Variants in COMT observed in about 807,000 individuals in gnomAD.
COMT encodes catechol O-methyltransferase.
In COMT, 13 loss-of-function variants were observed where a neutral mutation model predicts 18.9. The observed-to-expected ratio is 0.69, with a 90% CI of 0.45 to 1.09. COMT has a LOEUF of 1.09. Among genes scored for constraint, COMT ranks in the 50% least tolerant of loss-of-function variants. The pLI is 0.00. For missense variants in COMT, 329 were observed against 361.8 expected (o/e 0.91, Z 0.73); for synonymous variants, 150 against 160.9 (o/e 0.93, Z 0.51).
chr22:19,953,414 C>A (rs1941991452), intron 1 of COMT, among the ~76,000 whole-genome samples: 1 of 152,174 alleles, frequency 6.6e-6, no homozygotes, highest in Non-Finnish European at 1.5e-5. Context: ...CTGCCTCAGC[C>A]TCCCGAGTAG....
Position 19,968,600 on chromosome 22 carries a change from C to G in COMT, c.680C>G (p.Pro227Arg), listed in dbSNP as rs1211653120. Residue 227 changes from proline to arginine, a missense_variant, in exon 6 of 6, where the codon CCA (proline) becomes CGA (arginine). Physicochemically the swap from Pro to Arg is moderately radical, Grantham distance 103. Transcript: ENST00000361682. ...GACAACGTGATCTGCCCAGGTGCGC[C>G]AGACTTCCTAGCACACGTGCGCGGG... ...LADNVICPGA[P>R]DFLAHVRGSS... is the part of the protein sequence containing the mutation. The G allele has an allele frequency of 6.2e-7, 1 of 1,614,084 alleles. No homozygotes were observed. Among genetic ancestry groups the G allele is most frequent in the African/African-American group, 1.3e-5 (1 of 75,042 alleles).
chr22:19,942,414 C>T (rs3788321), intron 1 of COMT, among the ~76,000 whole-genome samples: 1 of 151,854 alleles, frequency 6.6e-6, no homozygotes, highest in African/African-American at 2.4e-5. Flanking sequence ...CTGTTGGAGG[C>T]CTTGGGGTAC....
At chr22:19,951,555 G>A (rs1033080742) in intron 1 of COMT, 1 of 152,192 alleles carries the variant, frequency 6.6e-6, no homozygotes, top group East Asian at 1.9e-4. Flanking sequence ...TACACTGTGT[G>A]CTCCGGTTGT....
At chr22:19,961,966 G>A (rs1942201805) in intron 2 of COMT, 1 of 171,012 alleles carries the variant, frequency 5.8e-6, no homozygotes, top group Non-Finnish European at 1.3e-5. Flanking sequence ...GTCTGTCCTG[G>A]TGTGCCTGGC....
chr22:19,944,262 T>G (rs1019899735), intron 1 of COMT, among the ~76,000 whole-genome samples: 7 of 152,160 alleles, frequency 4.6e-5, no homozygotes, highest in Non-Finnish European at 1.0e-4. Context: ...ACCTCAAGGA[T>G]AGGCCGGGCC....
At chr22:19,943,802 C>A (rs1404588653) in intron 1 of COMT, among the ~76,000 whole-genome samples, 1 of 152,182 alleles carries the variant, frequency 6.6e-6, no homozygotes, top group East Asian at 1.9e-4. Flanking sequence ...CACTCAGGGA[C>A]TTCCTGGTGT....
intron 2 of COMT, among the ~76,000 whole-genome samples, chr22:19,961,539 G>C (rs1481201214): frequency 6.6e-6 from 1 of 152,180 alleles, no homozygotes; most frequent in Admixed American, 6.5e-5. Flanking sequence ...TGTGGCCCTA[G>C]GCCTGCCTCC....
intron 1 of COMT, among the ~76,000 whole-genome samples, chr22:19,960,807 G>A (rs1275852949): frequency 6.6e-6 from 1 of 152,230 alleles, no homozygotes; most frequent in Admixed American, 6.5e-5. Flanking sequence ...GTATGTTCTT[G>A]GTAAACTAGC....
In COMT at chr22:19,968,759, G is replaced by A. The variant is rs775072525; in HGVS notation, c.*23G>A. The A allele has an allele frequency of 3.6e-5, 57 of 1,600,368 alleles. No homozygotes were observed. Among genetic ancestry groups the A allele is most frequent in the Admixed American group, 1.2e-4 (7 of 59,400 alleles). ...TGACTGCCCCCCCGGCCCCCCTCTC[G>A]GGCTCTCTCACCCAGCCTGGTACTG... is the stretch of plus-strand genomic sequence containing the variant. On this transcript the variant is annotated 3_prime_UTR_variant, in exon 6 of 6. Transcript: ENST00000361682.
intron 4 of COMT, 29 bp downstream of exon 4, chr22:19,963,788 T>G: frequency 6.2e-7 from 1 of 1,602,064 alleles, no homozygotes; most frequent in Admixed American, 1.7e-5. Flanking sequence ...TTGTCAGACC[T>G]GGAAAAAGGG....
chr22:19,946,288 A>C (rs925546678), intron 1 of COMT, among the ~76,000 whole-genome samples: 3 of 152,066 alleles, frequency 2.0e-5, no homozygotes, highest in Non-Finnish European at 4.4e-5. Context: ...GGAGTTCGAG[A>C]CCAGCTTGGC....
intron 1 of COMT, among the ~76,000 whole-genome samples, chr22:19,944,002 A>G (rs946451995): frequency 9.2e-5 from 14 of 152,052 alleles, no homozygotes; most frequent in Admixed American, 8.5e-4. Context: ...GTTTATATCA[A>G]GTTTTCCGGC....
At chr22:19,942,736 G>A (rs1187421450) in intron 1 of COMT, among the ~76,000 whole-genome samples, 1 of 152,248 alleles carries the variant, frequency 6.6e-6, no homozygotes, top group African/African-American at 2.4e-5. Context: ...CTGACAACAT[G>A]AGAAAAAGCT....
chr22:19,954,797 G>A (rs528964119), intron 1 of COMT, among the ~76,000 whole-genome samples: 9 of 152,168 alleles, frequency 5.9e-5, no homozygotes, highest in Non-Finnish European at 1.2e-4. Flanking sequence ...ATAGCAGGTA[G>A]GCCCCTCGCA....
chr22:19,941,779 G>C lies in COMT; in HGVS notation c.-210G>C. 6.5e-7 allele frequency: 1 copy of C among 1,527,132 alleles called. No individual in the cohort carries two copies. The highest frequency in any genetic ancestry group is 8.7e-7 in the Non-Finnish European group (1 of 1,147,210). 94.6% of individuals were successfully genotyped at this position (1,527,132 alleles called of 1,614,324 possible). On this transcript the variant is annotated 5_prime_UTR_variant, in exon 1 of 6. Coordinates refer to ENST00000361682, the MANE Select transcript of COMT (RefSeq NM_000754.4). ...CACCGGAAGCGCCCTCCTAATCCCC[G>C]CAGCGCCACCGCCATTGCCGCCATC...
intron 1 of COMT, among the ~76,000 whole-genome samples, chr22:19,942,238 G>T (rs1272260763): frequency 6.6e-6 from 1 of 152,238 alleles, no homozygotes; most frequent in African/African-American, 2.4e-5. Context: ...CCTCTCCCTG[G>T]AGTAGGGCTT....
At chr22:19,958,182 T>G (rs993310514) in intron 1 of COMT, among the ~76,000 whole-genome samples, 1 of 121,916 alleles carries the variant, frequency 8.2e-6, no homozygotes, top group East Asian at 2.1e-4. Context: ...TTTTTTTTTT[T>G]GAGACGGGGT....
At chr22:19,962,138 G>A in intron 2 of COMT, 1 of 311,880 alleles carries the variant, frequency 3.2e-6, no homozygotes, top group Non-Finnish European at 6.2e-6. Flanking sequence ...CCCAACTCCG[G>A]GCCATGGGGC....
chr22:19,953,879 G>A (rs1307969848), intron 1 of COMT, among the ~76,000 whole-genome samples: 1 of 152,158 alleles, frequency 6.6e-6, no homozygotes, highest in African/African-American at 2.4e-5. Flanking sequence ...CCAAGCAGGT[G>A]CCAAGGCAGA....
Sources: gnomAD v4.1 joint callset for allele counts (sites outside exome capture counted in the v4.1 genomes callset) on GRCh38, gnomAD v4.1.1 for gene constraint, MANE v1.5 for transcripts, NCBI Gene and HGNC (gene_info 2026-07-23, HGNC 2026-07-21) for gene names.